NAV2: variants seen among roughly 807,000 people sequenced by gnomAD.
NAV2 encodes the protein neuron navigator 2.
A neutral mutation model predicts 223.2 loss-of-function variants in NAV2; 54 were observed. That is an observed-to-expected ratio of 0.24 (90% confidence interval 0.19 to 0.30). The LOEUF is 0.30. Ranked by LOEUF, NAV2 falls within the 10% of genes least tolerant of loss-of-function variation. NAV2 has a pLI of 1.00. For missense variants in NAV2, 2,806 were observed against 3,147.5 expected (o/e 0.89, Z 2.60); for synonymous variants, 1,279 against 1,239.3 (o/e 1.03, Z -0.67).
intron 5 of NAV2, among the ~76,000 whole-genome samples, chr11:19,880,992 C>T (rs2063169529): frequency 6.6e-6 from 1 of 152,204 alleles, no homozygotes; most frequent in South Asian, 2.1e-4. Context: ...TTGATTTCAT[C>T]CAATATGTGC....
intron 1 of NAV2, among the ~76,000 whole-genome samples, chr11:19,468,194 A>C (rs1183519988): frequency 6.6e-6 from 1 of 152,224 alleles, no homozygotes; most frequent in Non-Finnish European, 1.5e-5. Flanking sequence ...AAGTTAGTCA[A>C]TGCACTTGAA....
At chr11:19,941,269 A>G (rs999486220) in intron 8 of NAV2, among the ~76,000 whole-genome samples, 1 of 152,072 alleles carries the variant, frequency 6.6e-6, no homozygotes, top group Non-Finnish European at 1.5e-5. Context: ...AATGCTGTCA[A>G]TCGGCTGCGG....
Position 19,948,828 on chromosome 11 carries a change from C to T in NAV2, c.2393C>T (p.Pro798Leu). The T allele has an allele frequency of 6.2e-7, 1 of 1,614,038 alleles. No homozygotes were observed. Among genetic ancestry groups the T allele is most frequent in the Non-Finnish European group, 8.5e-7 (1 of 1,180,020 alleles). ...SSPRLQAGDA[P>L]SMGNGYPPRA... ...CCTCGGCTCCAAGCAGGAGACGCCC[C>T]CTCAATGGGCAATGGGTATCCCCCT... The change falls in exon 10 of 38, where the codon CCC becomes CTC. Residue 798 changes from proline to leucine, a missense_variant. Transcript: ENST00000349880.
intron 10 of NAV2, among the ~76,000 whole-genome samples, chr11:19,979,904 G>C (rs1469744034): frequency 1.3e-5 from 2 of 152,212 alleles, no homozygotes; most frequent in Non-Finnish European, 2.9e-5. Flanking sequence ...CCACAGCTCT[G>C]TTTTCCTCAT....
rs1449441297 is a variant in NAV2 at position 19,702,913 on chromosome 11, C to T, written c.76-129571C>T. Reference sequence around the variant, plus strand: ...CCCATGGAAAAGTAAGTTAAAGCCACCCATAATTCCAACTTTTAAAAATAA... The same window carrying T: ...CCCATGGAAAAGTAAGTTAAAGCCATCCATAATTCCAACTTTTAAAAATAA... On this transcript the variant is annotated intron_variant, in intron 1 of 37. Transcript: ENST00000360655. Among the ~76,000 whole-genome samples the T allele has an allele frequency of 4.7e-5, 7 of 150,142 alleles. No homozygotes were observed. In the East Asian group the frequency reaches 1.4e-3, roughly 29 times the overall value.
exon 1 of NAV2, chr11:19,350,804 A>G (rs980499721): frequency 4.1e-6 from 3 of 725,238 alleles, no homozygotes; most frequent in Non-Finnish European, 7.2e-6. Flanking sequence ...TTAAGAAGAC[A>G]GGAAGACCTT....
intron 1 of NAV2, among the ~76,000 whole-genome samples, chr11:19,683,944 T>C (rs1185435979): frequency 3.3e-5 from 5 of 152,256 alleles, no homozygotes; most frequent in African/African-American, 1.2e-4. Flanking sequence ...ATATCTTTTC[T>C]TTTGCCAAAA....
intron 19 of NAV2, among the ~76,000 whole-genome samples, chr11:20,057,559 G>GTGAAGGA (rs943182601): frequency 3.3e-5 from 5 of 152,186 alleles, no homozygotes; most frequent in African/African-American, 1.2e-4. Flanking sequence ...TGATCCTAAG[G>GTGAAGGA]TGAAGGAAGT....
intron 1 of NAV2, among the ~76,000 whole-genome samples, chr11:19,472,538 G>A (rs2041995872): frequency 6.6e-6 from 1 of 152,098 alleles, no homozygotes; most frequent in South Asian, 2.1e-4. Flanking sequence ...GGGTGTAGTA[G>A]CCTCACGCTG....
At chr11:19,927,885 A>G (rs917259055) in intron 6 of NAV2, among the ~76,000 whole-genome samples, 1 of 152,192 alleles carries the variant, frequency 6.6e-6, no homozygotes, top group Non-Finnish European at 1.5e-5. Context: ...TGTTTTTACT[A>G]TGTGGTCAAA....
chr11:19,361,553 G>C (rs1444546057), intron 1 of NAV2, among the ~76,000 whole-genome samples: 1 of 152,106 alleles, frequency 6.6e-6, no homozygotes, highest in Non-Finnish European at 1.5e-5. Context: ...GGGCTCTAAA[G>C]TGTCTTCCTC....
chr11:19,436,688 A>G (rs1851228776), intron 1 of NAV2, among the ~76,000 whole-genome samples: 1 of 152,188 alleles, frequency 6.6e-6, no homozygotes, highest in African/African-American at 2.4e-5. Flanking sequence ...CATTTTAACA[A>G]TACTAATTGT....
intron 11 of NAV2, among the ~76,000 whole-genome samples, chr11:20,023,714 G>GTGTGTT (rs2054759024): frequency 6.6e-6 from 1 of 151,760 alleles, no homozygotes; most frequent in African/African-American, 2.4e-5. Context: ...GTGTGTGTGT[G>GTGTGTT]TGTGTGTGTG....
At chr11:19,744,540 T>G (rs2053165316) in intron 1 of NAV2, among the ~76,000 whole-genome samples, 1 of 145,060 alleles carries the variant, frequency 6.9e-6, no homozygotes, top group South Asian at 2.3e-4. Context: ...AATCAGTACT[T>G]TTAATTTAAA....
intron 20 of NAV2, among the ~76,000 whole-genome samples, chr11:20,063,849 T>G (rs2058867116): frequency 6.6e-6 from 1 of 152,220 alleles, no homozygotes; most frequent in Admixed American, 6.5e-5. Context: ...GAATACACTG[T>G]GTATAGCTCC....
At chr11:19,602,080 T>C (rs2135249951) in intron 1 of NAV2, among the ~76,000 whole-genome samples, 1 of 151,934 alleles carries the variant, frequency 6.6e-6, no homozygotes, top group Admixed American at 6.5e-5. Context: ...CCCAGTCCAA[T>C]CAGCTTTGGC....
intron 11 of NAV2, among the ~76,000 whole-genome samples, chr11:20,009,978 C>G (rs1320160269): frequency 2.0e-5 from 3 of 152,266 alleles, no homozygotes; most frequent in East Asian, 1.9e-4. Flanking sequence ...TTATAACTGT[C>G]TGCTACTAGC....
chr11:19,981,633 A>G (rs993362864), intron 10 of NAV2, among the ~76,000 whole-genome samples: 3 of 152,224 alleles, frequency 2.0e-5, no homozygotes, highest in Non-Finnish European at 4.4e-5. Context: ...TTAATGGTGT[A>G]ATAGATGGTA....
At chr11:19,353,139 A>C (rs1466903829) in intron 1 of NAV2, among the ~76,000 whole-genome samples, 1 of 152,204 alleles carries the variant, frequency 6.6e-6, no homozygotes, top group Non-Finnish European at 1.5e-5. Context: ...GGAAGTCTCC[A>C]CCAGCATGCT....
Sources: allele counts gnomAD v4.1 joint callset (sites outside exome capture counted in the v4.1 genomes callset), GRCh38; gene constraint gnomAD v4.1.1; transcripts MANE v1.5; gene names NCBI Gene and HGNC (gene_info 2026-07-23, HGNC 2026-07-21).